The following AP2B1 variants were observed in gnomAD, a reference collection of about 807,000 sequenced individuals.
AP2B1 encodes the protein AP-2 complex subunit beta.
AP2B1 carries 23 observed loss-of-function variants against 102.0 expected under a neutral mutation model. The observed-to-expected ratio is 0.23, with a 90% CI of 0.16 to 0.32. The LOEUF is 0.32. AP2B1 is among the 10% of genes least tolerant of loss of function. The probability of loss-of-function intolerance (pLI) is 1.00; values close to 1 mark genes in which losing one functional copy is unlikely to be tolerated. For synonymous variants in AP2B1, 381 were observed against 421.2 expected (o/e 0.90, Z 1.17); for missense variants, 541 against 1,157.4 (o/e 0.47, Z 7.73).
intron 18 of AP2B1, among the ~76,000 whole-genome samples, chr17:35,694,725 A>G (rs181094934): frequency 6.6e-6 from 1 of 152,272 alleles, no homozygotes; most frequent in Non-Finnish European, 1.5e-5. Context: ...CTACAAAAAT[A>G]CAAAAAAGTT....
Position 35,707,373 on chromosome 17 carries a change from G to A in AP2B1, c.2455-1851G>A, listed in dbSNP as rs147472872. ...TCACCATGTTGGCCAGGATGGTCTC[G>A]GTCTCCTGACCTCGTGATCTGCCTG... On this transcript the variant is annotated intron_variant, in intron 18 of 21. Transcript: ENST00000610402. Among the ~76,000 whole-genome samples the A allele has an allele frequency of 2.6e-3, 400 of 151,712 alleles. 12 individuals carry two copies. The East Asian group carries it at 0.065, about 25-fold the overall frequency.
At chr17:35,682,875 T>C in intron 18 of AP2B1, 51 bp downstream of exon 18, 1 of 1,470,048 alleles carries the variant, frequency 6.8e-7, no homozygotes, top group Non-Finnish European at 9.2e-7. Context: ...TTGACAATTA[T>C]TATTATTATT....
chr17:35,642,528 G>C (rs2074811671), intron 12 of AP2B1, among the ~76,000 whole-genome samples: 1 of 152,100 alleles, frequency 6.6e-6, no homozygotes, highest in Admixed American at 6.5e-5. Context: ...TAAATATCAG[G>C]TCATTATATT....
intron 14 of AP2B1, among the ~76,000 whole-genome samples, chr17:35,658,797 A>C (rs536984694): frequency 1.3e-5 from 2 of 152,194 alleles, no homozygotes; most frequent in Non-Finnish European, 2.9e-5. Flanking sequence ...CTTCTCTTCT[A>C]CTTTATGAGG....
intron 21 of AP2B1, among the ~76,000 whole-genome samples, chr17:35,720,970 A>C (rs1555592921): frequency 6.6e-6 from 1 of 151,916 alleles, no homozygotes; most frequent in East Asian, 1.9e-4. Flanking sequence ...AAAGAGGCAG[A>C]CTCTAAAGTC....
chr17:35,654,614 C>T (rs191118807), intron 13 of AP2B1, among the ~76,000 whole-genome samples: 2 of 152,242 alleles, frequency 1.3e-5, no homozygotes, highest in East Asian at 3.9e-4. Flanking sequence ...CTTGAAATTA[C>T]AATGTTATCA....
chr17:35,696,526 T>G (rs117386518), intron 18 of AP2B1, among the ~76,000 whole-genome samples: 2 of 151,732 alleles, frequency 1.3e-5, no homozygotes, highest in Non-Finnish European at 2.9e-5. Context: ...AGTAGCTGAT[T>G]ACGGGTGCCC....
chr17:35,706,418 A>G (rs138742066), intron 18 of AP2B1, among the ~76,000 whole-genome samples: 55 of 152,270 alleles, frequency 3.6e-4, no homozygotes, highest in African/African-American at 1.2e-3. Context: ...CCAAATATTT[A>G]TGCCAGGTCC....
chr17:35,694,210 C>T (rs930660356), intron 18 of AP2B1, among the ~76,000 whole-genome samples: 2 of 151,916 alleles, frequency 1.3e-5, no homozygotes, highest in East Asian at 1.9e-4. Flanking sequence ...CTTGCCTTCA[C>T]GATTTTTTGA....
At chr17:35,626,532 G>T in intron 6 of AP2B1, 89 bp from the exon 7 acceptor site, 2 of 1,060,748 alleles carry the variant, frequency 1.9e-6, no homozygotes, top group Non-Finnish European at 1.4e-6. Context: ...TTTGATACTT[G>T]GCCATTAGAC....
At chr17:35,644,209 G>C (rs750311053) in intron 12 of AP2B1, among the ~76,000 whole-genome samples, 2 of 152,178 alleles carry the variant, frequency 1.3e-5, no homozygotes, top group Non-Finnish European at 2.9e-5. Flanking sequence ...CCATGGTCTT[G>C]TCCACTGTGC....
chr17:35,591,171 CAA>C (rs35271211), intron 1 of AP2B1, among the ~76,000 whole-genome samples: 6,709 of 68,816 alleles, frequency 0.097, 220 homozygotes, highest in East Asian at 0.19. Flanking sequence ...GATTTTGTCT[CAA>C]AAAAAAAAAA....
chr17:35,710,555 A>G (rs1158235712), intron 20 of AP2B1, among the ~76,000 whole-genome samples: 1 of 152,226 alleles, frequency 6.6e-6, no homozygotes, highest in African/African-American at 2.4e-5. Context: ...GAATCGACCC[A>G]TCTACCCATT....
In AP2B1 at chr17:35,674,238, A is replaced by G. The variant is rs369929921; in HGVS notation, c.2241A>G (p.Gln747=). Residue 747 remains glutamine, a synonymous_variant, in exon 17 of 22, where the codon CAA becomes CAG. Coordinates refer to ENST00000610402, the MANE Select transcript of AP2B1 (RefSeq NM_001030006.2). ...TTTCCGGAACATTTACTCACCGCCA[A>G]GGGCACATCTATATGGAAATGAACT... The part of the protein sequence containing the change: ...LEISGTFTHR[Q]GHIYMEMNFT... The G allele has an allele frequency of 1.9e-6, 3 of 1,614,110 alleles. No homozygotes were observed. Among genetic ancestry groups the G allele is most frequent in the African/African-American group, 1.3e-5 (1 of 74,938 alleles).
intron 17 of AP2B1, among the ~76,000 whole-genome samples, chr17:35,682,482 A>G (rs1167991340): frequency 6.6e-6 from 1 of 151,458 alleles, no homozygotes; most frequent in Non-Finnish European, 1.5e-5. Context: ...AGCTGGGATT[A>G]CAGGCACCCG....
Position 35,720,575 on chromosome 17 carries a change from T to A in AP2B1, c.2782-3050T>A, listed in dbSNP as rs797041474. Among the ~76,000 whole-genome samples, 264 of 32,502 alleles carry A rather than the reference T, an allele frequency of 8.1e-3. 1 individual carries two copies. The highest frequency in any genetic ancestry group is 0.014 in the African/African-American group (114 of 8,078). 21.3% of individuals were successfully genotyped at this position (32,502 alleles called of 152,430 possible). On this transcript the variant is annotated intron_variant, in intron 21 of 21. Transcript: ENST00000610402. The stretch of plus-strand genomic sequence containing the variant: ...TATATATATATATATATATATATAT[T>A]TTTTTTTTTTTTTTTTTTTTTTTTT...
chr17:35,707,727 A>C lies in AP2B1; in HGVS notation c.2455-1497A>C, dbSNP rs147663417. ...CTCATCCTCCCAAAGTGCTGGGATT[A>C]CAGGCGTGAGCCACTGCACCCACCC... On this transcript the variant is annotated intron_variant, in intron 18 of 21. Coordinates refer to ENST00000610402, the MANE Select transcript of AP2B1 (RefSeq NM_001030006.2). 3.9e-3 allele frequency among the ~76,000 whole-genome samples: 593 copies of C among 152,344 alleles called. 1 individual carries two copies. Among genetic ancestry groups the C allele is most frequent in the African/African-American group, 0.013 (558 of 41,594 alleles).
chr17:35,646,656 G>A lies in AP2B1; in HGVS notation c.1537-3874G>A, dbSNP rs145809387. On this transcript the variant is annotated intron_variant, in intron 12 of 21. Coordinates refer to ENST00000610402, the MANE Select transcript of AP2B1 (RefSeq NM_001030006.2). ...GCTGGAGTGCGGTGGTGCAATCTCA[G>A]CTCACTGCAGCCTCCTCCGCCTCCT... Among the ~76,000 whole-genome samples, 1,266 of 148,802 alleles carry A rather than the reference G, an allele frequency of 8.5e-3. 10 individuals carry two copies. The highest frequency in any genetic ancestry group is 0.026 in the African/African-American group (1,046 of 40,192).
At chr17:35,649,784 CAG>C (rs2075039722) in intron 12 of AP2B1, among the ~76,000 whole-genome samples, 5 of 151,978 alleles carry the variant, frequency 3.3e-5, no homozygotes, top group Admixed American at 2.6e-4. Context: ...CTTTTTGAGA[CAG>C]AGTCTCACTC....
Sources: allele counts gnomAD v4.1 joint callset (sites outside exome capture counted in the v4.1 genomes callset), GRCh38; gene constraint gnomAD v4.1.1; transcripts MANE v1.5; gene names NCBI Gene and HGNC (gene_info 2026-07-23, HGNC 2026-07-21).